The following FRY variants were observed in gnomAD, a reference collection of about 807,000 sequenced individuals.
FRY encodes protein furry homolog.
Under a neutral mutation model 348.4 loss-of-function variants are expected in FRY, and 128 were observed. The observed-to-expected ratio is 0.37, with a 90% CI of 0.32 to 0.43. FRY has a LOEUF of 0.43. Ranked by LOEUF, FRY falls within the 20% of genes least tolerant of loss-of-function variation. The probability of loss-of-function intolerance (pLI) is 1.00; values close to 1 mark genes in which losing one functional copy is unlikely to be tolerated. For missense variants in FRY, 2,736 were observed against 3,695.2 expected (o/e 0.74, Z 6.73); for synonymous variants, 1,370 against 1,374.7 (o/e 1.00, Z 0.08).
At chr13:32,255,100 A>G (rs952646139) in intron 51 of FRY, among the ~76,000 whole-genome samples, 2 of 152,188 alleles carry the variant, frequency 1.3e-5, no homozygotes, top group African/African-American at 4.8e-5. Flanking sequence ...CCTTCATTTC[A>G]GTAGCTTAGA....
At chr13:32,273,274 T>G (rs1333081456) in intron 55 of FRY, among the ~76,000 whole-genome samples, 1 of 146,814 alleles carries the variant, frequency 6.8e-6, no homozygotes, top group Non-Finnish European at 1.5e-5. Flanking sequence ...CAGGCTGGAG[T>G]GCAGTGGCGC....
intron 51 of FRY, among the ~76,000 whole-genome samples, 174 bp downstream of exon 51, chr13:32,254,568 T>G (rs1340375222): frequency 1.3e-5 from 2 of 152,150 alleles, no homozygotes; most frequent in Admixed American, 1.3e-4. Flanking sequence ...TGGCAAAAGT[T>G]ACCACACCCT....
chr13:32,041,036 T>G (rs1029711055), intron 1 of FRY, among the ~76,000 whole-genome samples: 1 of 152,190 alleles, frequency 6.6e-6, no homozygotes, highest in Non-Finnish European at 1.5e-5. Flanking sequence ...TTGCTCTAGG[T>G]GAACAGATTG....
At chr13:32,259,611 AT>A (rs1302757915) in intron 51 of FRY, among the ~76,000 whole-genome samples, 6 of 152,166 alleles carry the variant, frequency 3.9e-5, no homozygotes, top group Admixed American at 6.5e-5. Flanking sequence ...CCTTCCAGTC[AT>A]TTGGCACAAG....
intron 1 of FRY, among the ~76,000 whole-genome samples, chr13:32,051,758 G>T (rs528622292): frequency 6.6e-6 from 1 of 152,202 alleles, no homozygotes; most frequent in Admixed American, 6.5e-5. Flanking sequence ...CAGCAGAAGC[G>T]ATGATAATTT....
chr13:32,247,278 A>G (rs1886858857), intron 47 of FRY, 45 bp from the exon 48 acceptor site: 2 of 1,535,320 alleles, frequency 1.3e-6, no homozygotes, highest in Admixed American at 3.3e-5. Context: ...TTAGCTTTAA[A>G]AAAATTAAAT....
intron 51 of FRY, among the ~76,000 whole-genome samples, chr13:32,256,199 A>T (rs1887328571): frequency 6.6e-6 from 1 of 152,146 alleles, no homozygotes; most frequent in South Asian, 2.1e-4. Context: ...AGCAATAACT[A>T]AAAAATCACA....
At chr13:32,038,139 T>G (rs1459823791) in intron 1 of FRY, among the ~76,000 whole-genome samples, 1 of 152,218 alleles carries the variant, frequency 6.6e-6, no homozygotes, top group South Asian at 2.1e-4. Context: ...AAGACTTAAT[T>G]CTTCCTAAGT....
intron 28 of FRY, among the ~76,000 whole-genome samples, chr13:32,188,989 T>C (rs1189815083): frequency 6.6e-6 from 1 of 152,070 alleles, no homozygotes; most frequent in Non-Finnish European, 1.5e-5. Flanking sequence ...TCCTCTTTAA[T>C]TAGGGCACAA....
At chr13:32,074,191 A>G (rs1267385685) in intron 1 of FRY, among the ~76,000 whole-genome samples, 3 of 152,228 alleles carry the variant, frequency 2.0e-5, no homozygotes, top group Non-Finnish European at 2.9e-5. Flanking sequence ...AATATAAAAG[A>G]TAGAGACCCA....
Position 32,243,984 on chromosome 13 carries a change from G to GT in FRY, c.6688-57dup, listed in dbSNP as rs1415833562. On this transcript the variant is annotated intron_variant, in intron 46 of 60. Coordinates refer to ENST00000542859, the MANE Select transcript of FRY (RefSeq NM_023037.3). ...ATCCTAAATGTGTTGGAAAACACGG[G>GT]TCCTTCCATACGGAGATCTGGTGTG... The GT allele has an allele frequency of 1.3e-5, 20 of 1,586,364 alleles. No individual in the cohort carries two copies. In the Admixed American group the frequency reaches 2.0e-4, roughly 16 times the overall value.
chr13:32,065,875 G>C (rs1045450101), intron 1 of FRY, among the ~76,000 whole-genome samples: 1 of 152,134 alleles, frequency 6.6e-6, no homozygotes, highest in Non-Finnish European at 1.5e-5. Flanking sequence ...AAATGCTGGG[G>C]TTAGAGGCAT....
Position 32,239,650 on chromosome 13 carries a change from C to A in FRY, c.6517-61C>A. 1 of 1,208,030 alleles carries A rather than the reference C, an allele frequency of 8.3e-7. No homozygotes were observed. The highest frequency in any genetic ancestry group is 1.2e-6 in the Non-Finnish European group (1 of 819,824). The allele number at this position is 1,208,030 out of a possible 1,614,324, so 74.8% of individuals were successfully genotyped here. A position where few individuals can be genotyped will look rare whatever the true frequency, so the allele number is the denominator to read the frequency against. The stretch of plus-strand genomic sequence containing the variant: ...ATGGCCAGAGCTTATAGTAAAATTG[C>A]TAACATTTCTTCCTATTCATTGGGC... On this transcript the variant is annotated intron_variant, in intron 45 of 60. Transcript: ENST00000542859. This position sits in a 1 kb window ranked among gnomAD's most constrained non-coding sequence, Gnocchi z 4.3.
At chr13:32,278,405 C>T (rs1888644454) in intron 57 of FRY, 60 bp from the exon 58 acceptor site, 2 of 896,056 alleles carry the variant, frequency 2.2e-6, no homozygotes, top group Middle Eastern at 2.2e-4. Flanking sequence ...TGGAATTATA[C>T]CAAAAATGTT....
At chr13:32,156,689 G>A (rs1881141231) in intron 15 of FRY, among the ~76,000 whole-genome samples, 3 of 151,514 alleles carry the variant, frequency 2.0e-5, no homozygotes, top group South Asian at 2.1e-4. Context: ...AAATACAAAG[G>A]TATTTACTTT....
intron 17 of FRY, among the ~76,000 whole-genome samples, chr13:32,167,133 A>C (rs1034167799): frequency 3.3e-5 from 5 of 152,188 alleles, no homozygotes; most frequent in African/African-American, 7.2e-5. Flanking sequence ...ATTGGCCCTT[A>C]CTTAAAGGCT....
At chr13:32,117,805 C>A (rs1002677939) in intron 4 of FRY, among the ~76,000 whole-genome samples, 6 of 152,206 alleles carry the variant, frequency 3.9e-5, no homozygotes, top group Non-Finnish European at 5.9e-5. Context: ...TCAGGCCTTG[C>A]GTGACATGCC....
chr13:32,065,997 T>A (rs1453615042), intron 1 of FRY, among the ~76,000 whole-genome samples: 4 of 152,186 alleles, frequency 2.6e-5, no homozygotes, highest in Admixed American at 1.3e-4. Flanking sequence ...AATATAGATA[T>A]TTTCTCATCT....
chr13:32,111,469 C>A (rs1182394296), intron 3 of FRY, among the ~76,000 whole-genome samples: 1 of 152,026 alleles, frequency 6.6e-6, no homozygotes, highest in East Asian at 1.9e-4. Flanking sequence ...GCACTCCAGT[C>A]TGGGCAACAG....
Sources: allele counts gnomAD v4.1 joint callset (sites outside exome capture counted in the v4.1 genomes callset), GRCh38; gene constraint gnomAD v4.1.1; non-coding constraint Gnocchi (gnomAD v3.1); transcripts MANE v1.5; gene names NCBI Gene and HGNC (gene_info 2026-07-23, HGNC 2026-07-21).